SLC37A1: variants seen among roughly 807,000 people sequenced by gnomAD.
The protein encoded by SLC37A1 is glucose-6-phosphate exchanger SLC37A1.
In SLC37A1, 49 loss-of-function variants were observed where a neutral mutation model predicts 75.3. The observed-to-expected ratio is 0.65, with a 90% CI of 0.52 to 0.83. The LOEUF is 0.83. Among genes scored for constraint, SLC37A1 ranks in the 40% least tolerant of loss-of-function variants. The probability of loss-of-function intolerance (pLI) is 0.00; values close to 1 mark genes in which losing one functional copy is unlikely to be tolerated. For synonymous variants in SLC37A1, 268 were observed against 292.1 expected (o/e 0.92, Z 0.84); for missense variants, 566 against 695.0 (o/e 0.81, Z 2.09).
At chr21:42,503,525 A>G (rs968342035) in intron 2 of SLC37A1, among the ~76,000 whole-genome samples, 10 of 152,138 alleles carry the variant, frequency 6.6e-5, no homozygotes, top group African/African-American at 2.2e-4. Flanking sequence ...CTGGAATTAC[A>G]GGTGTGAGCC....
intron 2 of SLC37A1, among the ~76,000 whole-genome samples, chr21:42,524,765 G>A (rs1451573463): frequency 6.6e-6 from 1 of 152,182 alleles, no homozygotes; most frequent in African/African-American, 2.4e-5. Flanking sequence ...ATATTGTGAC[G>A]TAATAATAAG....
rs530595517 is a variant in SLC37A1 at position 42,501,358 on chromosome 21, T to C, written c.-300-938T>C. 3.3e-5 allele frequency among the ~76,000 whole-genome samples: 5 copies of C among 152,252 alleles called. No individual in the cohort carries two copies. The South Asian group carries it at 1.0e-3, about 32-fold the overall frequency. ...CGAGTACTAGGGGATTACAAGGAAA[T>C]GAGAAAGAAATTACAGACCCATTGG... On this transcript the variant is annotated intron_variant, in intron 1 of 20. Transcript: ENST00000398341.
intron 5 of SLC37A1, among the ~76,000 whole-genome samples, chr21:42,535,999 C>T (rs1354977311): frequency 6.6e-6 from 1 of 152,234 alleles, no homozygotes; most frequent in Admixed American, 6.5e-5. Context: ...ACAGGATGTG[C>T]TGAACAGCTC....
At position 42,554,140 on chromosome 21, in the gene SLC37A1, C is replaced by T; in HGVS notation, c.847C>T (p.Leu283=). 6.2e-7 allele frequency: 1 copy of T among 1,613,200 alleles called. No individual in the cohort carries two copies. Among genetic ancestry groups the T allele is most frequent in the Non-Finnish European group, 8.5e-7 (1 of 1,179,652 alleles). The part of the protein sequence containing the change: ...QILKSEKNKP[L]DPEMQCLLLS... ...CTTGAAGAGCGAAAAGAACAAGCCTCTGGTAAGTCACACACAACTTCCACT... is the reference window on the plus strand; with the variant it reads ...CTTGAAGAGCGAAAAGAACAAGCCTTTGGTAAGTCACACACAACTTCCACT... Residue 283 remains leucine, a splice_region_variant and synonymous_variant, in exon 10 of 20, where the codon CTG becomes TTG. Transcript: ENST00000352133.
chr21:42,530,654 A>ACACCCCCCCC (rs1161313598), intron 3 of SLC37A1, among the ~76,000 whole-genome samples: 9 of 35,878 alleles, frequency 2.5e-4, no homozygotes, highest in Non-Finnish European at 3.7e-4. Flanking sequence ...ACACACACAC[A>ACACCCCCCCC]CCCCCTCTGT....
intron 2 of SLC37A1, among the ~76,000 whole-genome samples, chr21:42,505,470 C>T (rs1273119794): frequency 2.0e-5 from 3 of 152,216 alleles, no homozygotes; most frequent in Non-Finnish European, 4.4e-5. Context: ...TATCCCCAAC[C>T]CTTGTCCACA....
chr21:42,570,659 G>A (rs2056136487), intron 17 of SLC37A1, among the ~76,000 whole-genome samples: 1 of 152,162 alleles, frequency 6.6e-6, no homozygotes, highest in Admixed American at 6.5e-5. Context: ...CGCTCTACTG[G>A]CAACCCCGAT....
intron 2 of SLC37A1, among the ~76,000 whole-genome samples, chr21:42,524,249 C>T (rs1343235486): frequency 6.6e-6 from 1 of 152,216 alleles, no homozygotes; most frequent in Non-Finnish European, 1.5e-5. Flanking sequence ...CCTCGCCTTC[C>T]ACTCCTGTCA....
chr21:42,519,541 C>T (rs543619948), intron 2 of SLC37A1, among the ~76,000 whole-genome samples: 1 of 152,300 alleles, frequency 6.6e-6, no homozygotes, highest in Admixed American at 6.5e-5. Flanking sequence ...TAAGAGAATT[C>T]AGGAACGCAA....
chr21:42,556,929 C>T (rs1226227360), intron 10 of SLC37A1, among the ~76,000 whole-genome samples: 1 of 152,204 alleles, frequency 6.6e-6, no homozygotes, highest in Non-Finnish European at 1.5e-5. Flanking sequence ...ACAGAGCCTT[C>T]TGTCTGTCTC....
intron 17 of SLC37A1, 124 bp from the exon 18 acceptor site, chr21:42,574,693 AG>A (rs1406109032): frequency 2.5e-6 from 2 of 809,470 alleles, no homozygotes; most frequent in Non-Finnish European, 3.9e-6. Context: ...AGGATGAGGT[AG>A]TGTAGTTCCA....
chr21:42,540,485 G>A (rs1434632683), intron 6 of SLC37A1, among the ~76,000 whole-genome samples: 4 of 152,074 alleles, frequency 2.6e-5, no homozygotes, highest in African/African-American at 7.3e-5. Flanking sequence ...GCCGACTTTG[G>A]AGTTGGGCAG....
intron 5 of SLC37A1, among the ~76,000 whole-genome samples, chr21:42,536,474 G>GT (rs900135729): frequency 2.6e-5 from 4 of 151,482 alleles, no homozygotes; most frequent in Non-Finnish European, 5.9e-5. Context: ...GTCCAGCCAG[G>GT]TTTTTTTTTA....
intron 2 of SLC37A1, among the ~76,000 whole-genome samples, chr21:42,519,762 C>T (rs2054600843): frequency 6.6e-6 from 1 of 152,228 alleles, no homozygotes; most frequent in South Asian, 2.1e-4. Flanking sequence ...TTCATGTCTG[C>T]TGTGAGTCTA....
chr21:42,574,768 C>T (rs764466039), intron 17 of SLC37A1, 50 bp from the exon 18 acceptor site: 1 of 1,588,806 alleles, frequency 6.3e-7, no homozygotes, highest in East Asian at 2.2e-5. Context: ...TAGTTATGTG[C>T]TGGGATTTTC....
At position 42,547,256 on chromosome 21, in the gene SLC37A1, C is replaced by T. The variant is rs1055491004; in HGVS notation, c.768+116C>T. 39 of 1,134,144 alleles carry T rather than the reference C, an allele frequency of 3.4e-5. No individual in the cohort carries two copies. Among genetic ancestry groups the T allele is most frequent in the Middle Eastern group, 4.0e-4 (2 of 5,028 alleles). 70.3% of individuals were successfully genotyped at this position (1,134,144 alleles called of 1,614,324 possible). On this transcript the variant is annotated intron_variant, in intron 9 of 19. Coordinates refer to ENST00000352133, the MANE Select transcript of SLC37A1 (RefSeq NM_001320537.2). The surrounding 1 kb of genome is among the most constrained non-coding windows in gnomAD (Gnocchi z 6.1). Reference sequence around the variant, plus strand: ...AAACACACAGGGTAGACAGAAGTCCCACCCTCAAAACATTGGCAGTTCTAG... The same window carrying T: ...AAACACACAGGGTAGACAGAAGTCCTACCCTCAAAACATTGGCAGTTCTAG...
intron 3 of SLC37A1, among the ~76,000 whole-genome samples, chr21:42,534,154 T>A (rs2055070783): frequency 6.6e-6 from 1 of 152,176 alleles, no homozygotes; most frequent in Admixed American, 6.5e-5. Context: ...TCTAGCCGCA[T>A]GGATTCGTTG....
chr21:42,534,965 CAT>C, intron 4 of SLC37A1, 135 bp downstream of exon 4: 2 of 1,239,730 alleles, frequency 1.6e-6, no homozygotes, highest in Non-Finnish European at 2.2e-6. Context: ...CCAAAAAGCA[CAT>C]GACTTCACCG....
rs576451015 is a variant in SLC37A1 at position 42,506,271 on chromosome 21, G to T, written c.-179+3854G>T. Among the ~76,000 whole-genome samples the T allele has an allele frequency of 2.0e-4, 31 of 152,278 alleles. 1 individual carries two copies. The highest frequency in any genetic ancestry group is 6.5e-4 in the African/African-American group (27 of 41,550). The stretch of plus-strand genomic sequence containing the variant: ...ATTAACTTTGTGTCAAATAATCAAA[G>T]CTTAACAGGATTTATATTAAGGATG... On this transcript the variant is annotated intron_variant, in intron 2 of 20. Transcript: ENST00000398341.
Sources: gnomAD v4.1 joint callset for allele counts (sites outside exome capture counted in the v4.1 genomes callset) on GRCh38, gnomAD v4.1.1 for gene constraint, Gnocchi (gnomAD v3.1) non-coding constraint, MANE v1.5 for transcripts, NCBI Gene and HGNC (gene_info 2026-07-23, HGNC 2026-07-21) for gene names.